Variants in BRD10 observed in about 807,000 individuals in gnomAD.
BRD10 encodes bromodomain containing 10.
At chr9:5,912,200 T>C in the BRD10 span, among the ~76,000 whole-genome samples, 1 of 152,248 alleles carries the variant, frequency 6.6e-6, no homozygotes, top group African/African-American at 2.4e-5. Context: ...ACAGAAATGA[T>C]ACTGATTTTT....
the BRD10 span, among the ~76,000 whole-genome samples, chr9:5,965,801 C>T: frequency 3.3e-5 from 5 of 152,268 alleles, no homozygotes; most frequent in South Asian, 6.2e-4. Flanking sequence ...AAAGTAAAGA[C>T]TGGATTAAGG....
chr9:5,896,410 T>C, the BRD10 span, among the ~76,000 whole-genome samples: 1 of 152,214 alleles, frequency 6.6e-6, no homozygotes, highest in Non-Finnish European at 1.5e-5. Context: ...AGTTTCCATC[T>C]AGCACTGTCA....
At chr9:5,898,058 A>ATT in the BRD10 span, 9,298 of 160,328 alleles carry the variant, frequency 0.058, 924 homozygotes, top group African/African-American at 0.21. Flanking sequence ...AGCTGAACTC[A>ATT]TTTTTTTTTT....
chr9:5,985,185 T>G, the BRD10 span, among the ~76,000 whole-genome samples: 2 of 152,198 alleles, frequency 1.3e-5, no homozygotes, highest in African/African-American at 2.4e-5. Context: ...CAAATGATAC[T>G]GAAGGAACTG....
the BRD10 span, among the ~76,000 whole-genome samples, chr9:5,911,569 TC>T: frequency 6.6e-6 from 1 of 151,080 alleles, no homozygotes; most frequent in East Asian, 1.9e-4. Flanking sequence ...ACGGTCTCTC[TC>T]TGTTGCCCAG....
chr9:5,957,840 G>A, the BRD10 span, among the ~76,000 whole-genome samples: 1 of 152,018 alleles, frequency 6.6e-6, no homozygotes, highest in Non-Finnish European at 1.5e-5. Context: ...ACAAAATCAT[G>A]CCTTTATTTG....
At chr9:5,958,084 G>T in the BRD10 span, among the ~76,000 whole-genome samples, 2 of 152,096 alleles carry the variant, frequency 1.3e-5, no homozygotes, top group African/African-American at 4.8e-5. Flanking sequence ...GCCTAAAACA[G>T]AAAGTGTCAG....
the BRD10 span, among the ~76,000 whole-genome samples, chr9:5,930,156 C>T: frequency 6.7e-6 from 1 of 148,264 alleles, no homozygotes; most frequent in Non-Finnish European, 1.5e-5. Flanking sequence ...ATATAATTCA[C>T]ACATCACACA....
At chr9:5,920,568 A>G in the BRD10 span, 1 of 1,614,022 alleles carries the variant, frequency 6.2e-7, no homozygotes. Context: ...AGGGACGACA[A>G]TTCAGTTTGA....
the BRD10 span, chr9:5,919,653 T>C: frequency 6.4e-7 from 1 of 1,552,952 alleles, no homozygotes; most frequent in Non-Finnish European, 8.7e-7. Context: ...CAATGCCCCA[T>C]TATTTAAAAA....
At chr9:5,885,022 G>T in the BRD10 span, among the ~76,000 whole-genome samples, 1 of 152,200 alleles carries the variant, frequency 6.6e-6, no homozygotes, top group African/African-American at 2.4e-5. Flanking sequence ...CACAGCTCTT[G>T]CTCTCGGGTG....
At chr9:5,936,357 A>G in the BRD10 span, among the ~76,000 whole-genome samples, 1 of 152,218 alleles carries the variant, frequency 6.6e-6, no homozygotes, top group Non-Finnish European at 1.5e-5. Flanking sequence ...CCTGTCTCAA[A>G]AACAAATAAA....
At chr9:5,906,923 A>T in the BRD10 span, 1 of 1,597,104 alleles carries the variant, frequency 6.3e-7, no homozygotes, top group Non-Finnish European at 8.5e-7. Context: ...GTGCCTTAAC[A>T]AGAAGATGCC....
At chr9:5,946,367 G>A in the BRD10 span, among the ~76,000 whole-genome samples, 3 of 152,046 alleles carry the variant, frequency 2.0e-5, no homozygotes, top group African/African-American at 7.2e-5. Flanking sequence ...GTGGGACAGT[G>A]TAGCTGGTAT....
At chr9:6,005,496 C>T in the BRD10 span, among the ~76,000 whole-genome samples, 1 of 152,144 alleles carries the variant, frequency 6.6e-6, no homozygotes, top group African/African-American at 2.4e-5. Flanking sequence ...CAGAGGGAGA[C>T]TCAGAGAAAA....
chr9:6,007,179 G>C, the BRD10 span: 14 of 1,607,098 alleles, frequency 8.7e-6, no homozygotes, highest in African/African-American at 1.7e-4. Flanking sequence ...TCCCACCGGG[G>C]ACCGGGCTCG....
chr9:5,999,780 T>A, the BRD10 span, among the ~76,000 whole-genome samples: 6 of 152,172 alleles, frequency 3.9e-5, no homozygotes, highest in Non-Finnish European at 8.8e-5. Flanking sequence ...ATTTAGTTTA[T>A]CCACTTGTGT....
the BRD10 span, among the ~76,000 whole-genome samples, chr9:5,880,113 G>T: frequency 6.6e-6 from 1 of 151,904 alleles, no homozygotes. Flanking sequence ...TAGAGACAGG[G>T]TTTCACCATG....
the BRD10 span, among the ~76,000 whole-genome samples, chr9:6,004,458 T>C: frequency 1.3e-5 from 2 of 152,192 alleles, no homozygotes; most frequent in African/African-American, 2.4e-5. Context: ...AGGGTACTAA[T>C]GCTATTGGGC....
Sources: allele counts gnomAD v4.1 joint callset (sites outside exome capture counted in the v4.1 genomes callset), GRCh38; gene constraint gnomAD v4.1.1; transcripts MANE v1.5; gene names NCBI Gene and HGNC (gene_info 2026-07-23, HGNC 2026-07-21).